The following PRKCE variants were observed in gnomAD, a reference collection of about 807,000 sequenced individuals.
PRKCE encodes protein kinase C epsilon.
In PRKCE, 16 loss-of-function variants were observed where a neutral mutation model predicts 85.4. The ratio of observed to expected loss-of-function variants is 0.19; its 90% CI spans 0.13 to 0.28. The LOEUF is 0.28. Among genes scored for constraint, PRKCE ranks in the 10% least tolerant of loss-of-function variants. The pLI is 1.00. For synonymous variants in PRKCE, 388 were observed against 371.5 expected, an observed-to-expected ratio of 1.04 and a Z score of -0.51; for missense variants, 573 against 975.2, an observed-to-expected ratio of 0.59 and a Z score of 5.49.
At chr2:46,119,019 A>G (rs1673055084) in intron 11 of PRKCE, among the ~76,000 whole-genome samples, 1 of 152,170 alleles carries the variant, frequency 6.6e-6, no homozygotes, top group Non-Finnish European at 1.5e-5. Flanking sequence ...GGAGGAAGAG[A>G]GCAAATGGCC....
chr2:45,776,639 A>T (rs1354095472), intron 1 of PRKCE, among the ~76,000 whole-genome samples: 1 of 152,206 alleles, frequency 6.6e-6, no homozygotes, highest in Non-Finnish European at 1.5e-5. Flanking sequence ...ATTAATTCAG[A>T]TGATCTAATC....
intron 10 of PRKCE, among the ~76,000 whole-genome samples, chr2:46,058,958 G>A (rs1666861572): frequency 6.6e-6 from 1 of 152,184 alleles, no homozygotes; most frequent in Admixed American, 6.5e-5. Flanking sequence ...TTCACCTTGT[G>A]AAGTGCTTGG....
chr2:46,026,606 G>C (rs1462172432), intron 10 of PRKCE, among the ~76,000 whole-genome samples: 2 of 152,202 alleles, frequency 1.3e-5, no homozygotes, highest in Non-Finnish European at 2.9e-5. Flanking sequence ...GTATCCAAGA[G>C]AACAGAATGA....
At chr2:45,854,048 C>T (rs1339536490) in intron 2 of PRKCE, among the ~76,000 whole-genome samples, 1 of 152,212 alleles carries the variant, frequency 6.6e-6, no homozygotes. Context: ...TCTTTCTATA[C>T]AACCATGTAC....
At chr2:45,817,994 C>T (rs1015923440) in intron 1 of PRKCE, among the ~76,000 whole-genome samples, 2 of 152,170 alleles carry the variant, frequency 1.3e-5, no homozygotes, top group African/African-American at 2.4e-5. Flanking sequence ...TTCTCAGCCC[C>T]GGAGCTGAGC....
At chr2:45,751,265 G>A (rs1009301965) in intron 1 of PRKCE, among the ~76,000 whole-genome samples, 3 of 152,130 alleles carry the variant, frequency 2.0e-5, no homozygotes, top group African/African-American at 7.2e-5. Flanking sequence ...ATACATGACC[G>A]AGATGATACA....
chr2:46,089,859 G>A (rs1231296075), intron 11 of PRKCE, among the ~76,000 whole-genome samples: 1 of 152,094 alleles, frequency 6.6e-6, no homozygotes, highest in Non-Finnish European at 1.5e-5. Flanking sequence ...CAAATTACTT[G>A]CCATTATCCC....
intron 11 of PRKCE, among the ~76,000 whole-genome samples, chr2:46,111,457 A>G (rs556842137): frequency 3.5e-4 from 53 of 152,324 alleles, no homozygotes; most frequent in African/African-American, 1.2e-3. Flanking sequence ...CGTCACACCA[A>G]AAAGGAACTC....
intron 1 of PRKCE, among the ~76,000 whole-genome samples, chr2:45,839,311 A>C (rs921856893): frequency 4.6e-5 from 7 of 152,120 alleles, no homozygotes; most frequent in African/African-American, 1.7e-4. Flanking sequence ...TTGACACCAA[A>C]GTCTGTGTTT....
intron 2 of PRKCE, among the ~76,000 whole-genome samples, chr2:45,913,998 C>T (rs1697568665): frequency 6.6e-6 from 1 of 152,198 alleles, no homozygotes; most frequent in Admixed American, 6.5e-5. Flanking sequence ...TTGTGGCCTA[C>T]AAACTTAATG....
intron 2 of PRKCE, among the ~76,000 whole-genome samples, chr2:45,959,059 G>A (rs541508669): frequency 1.3e-5 from 2 of 151,284 alleles, no homozygotes; most frequent in Non-Finnish European, 3.0e-5. Context: ...TTAAGTTGCG[G>A]GTAGTTCTTA....
rs1667789247 is a variant in PRKCE at position 46,068,213 on chromosome 2, G to A, written c.1438-17995G>A. 6.6e-6 allele frequency among the ~76,000 whole-genome samples: 1 copy of A among 152,026 alleles called. No individual in the cohort carries two copies. Among genetic ancestry groups the A allele is most frequent in the Non-Finnish European group, 1.5e-5 (1 of 68,008 alleles). On this transcript the variant is annotated intron_variant, in intron 10 of 14. Coordinates refer to ENST00000306156, the MANE Select transcript of PRKCE (RefSeq NM_005400.3). The surrounding 1 kb of genome is among the most constrained non-coding windows in gnomAD (Gnocchi z 4.3). ...AGGATGAAAAAAATAATCTATTTTG[G>A]TGAGCCACTTGAGTCATAGGCTATC... is the stretch of plus-strand genomic sequence containing the variant.
chr2:45,861,664 C>A (rs530332963), intron 2 of PRKCE, among the ~76,000 whole-genome samples: 1 of 152,262 alleles, frequency 6.6e-6, no homozygotes, highest in South Asian at 2.1e-4. Context: ...GCCATTTGAA[C>A]TGTTGGCGAG....
intron 1 of PRKCE, among the ~76,000 whole-genome samples, chr2:45,743,315 G>A (rs1340263032): frequency 6.6e-6 from 1 of 152,174 alleles, no homozygotes; most frequent in South Asian, 2.1e-4. Context: ...TAGCTTGATT[G>A]TGGTAATTAC....
At chr2:45,875,207 A>G (rs4245804) in intron 2 of PRKCE, among the ~76,000 whole-genome samples, 96,884 of 152,048 alleles carry the variant, frequency 0.64, 31,526 homozygotes, top group East Asian at 0.97. Context: ...GGAGAAGAGA[A>G]CCAAATGAAT....
chr2:45,680,900 C>A (rs925904222), intron 1 of PRKCE, among the ~76,000 whole-genome samples: 1 of 152,190 alleles, frequency 6.6e-6, no homozygotes, highest in Non-Finnish European at 1.5e-5. Context: ...TTATTGACTA[C>A]CTACTGTGTT....
At chr2:45,681,524 G>A (rs1033775252) in intron 1 of PRKCE, among the ~76,000 whole-genome samples, 8 of 152,216 alleles carry the variant, frequency 5.3e-5, no homozygotes, top group Middle Eastern at 3.4e-3. Context: ...CCTAAGTACA[G>A]GCCAGCCAAA....
At chr2:45,669,690 A>G (rs1405962122) in intron 1 of PRKCE, among the ~76,000 whole-genome samples, 1 of 152,230 alleles carries the variant, frequency 6.6e-6, no homozygotes, top group East Asian at 1.9e-4. Context: ...CTTTTTGGAA[A>G]GCAAAAAGGT....
intron 1 of PRKCE, among the ~76,000 whole-genome samples, chr2:45,699,435 A>C (rs1005520693): frequency 6.6e-6 from 1 of 152,196 alleles, no homozygotes; most frequent in Non-Finnish European, 1.5e-5. Context: ...AGGTTGGCTG[A>C]GTCAGAGTGA....
Sources: gnomAD v4.1 joint callset for allele counts (sites outside exome capture counted in the v4.1 genomes callset) on GRCh38, gnomAD v4.1.1 for gene constraint, Gnocchi (gnomAD v3.1) non-coding constraint, MANE v1.5 for transcripts, NCBI Gene and HGNC (gene_info 2026-07-23, HGNC 2026-07-21) for gene names.